PRKAR1A: variants seen among roughly 807,000 people sequenced by gnomAD.
The protein encoded by PRKAR1A is cAMP-dependent protein kinase type I-alpha regulatory subunit.
A neutral mutation model predicts 52.0 loss-of-function variants in PRKAR1A; 3 were observed. The observed-to-expected ratio is 0.06, with a 90% CI of 0.03 to 0.15. The LOEUF (loss-of-function observed/expected upper bound fraction) is 0.15. Among genes scored for constraint, PRKAR1A ranks in the 10% least tolerant of loss-of-function variants. PRKAR1A has a pLI of 1.00. For missense variants in PRKAR1A, 240 were observed against 477.4 expected, an observed-to-expected ratio of 0.50 and a Z score of 4.63; for synonymous variants, 188 against 168.4, an observed-to-expected ratio of 1.12 and a Z score of -0.90.
chr17:68,465,235 G>T, the PRKAR1A span, among the ~76,000 whole-genome samples: 75 of 151,598 alleles, frequency 4.9e-4, 1 homozygote, highest in Middle Eastern at 3.4e-3. Context: ...CCCGGCCCCG[G>T]CCGGGTTATT....
At chr17:68,446,077 T>C in the PRKAR1A span, among the ~76,000 whole-genome samples, 1 of 152,204 alleles carries the variant, frequency 6.6e-6, no homozygotes, top group African/African-American at 2.4e-5. Flanking sequence ...GCTCTGCTCC[T>C]GGGAAAAGCC....
intron 8 of PRKAR1A, 151 bp downstream of exon 8, chr17:68,528,051 TCA>T (rs2085847131): frequency 4.3e-6 from 3 of 699,692 alleles, no homozygotes; most frequent in South Asian, 1.6e-5. Context: ...CTGTGGACAT[TCA>T]CAGTTATTTC....
chr17:68,506,642 C>T, the PRKAR1A span, among the ~76,000 whole-genome samples: 7 of 152,006 alleles, frequency 4.6e-5, no homozygotes, highest in Non-Finnish European at 8.8e-5. Flanking sequence ...CACCACCACA[C>T]CCGGCTAATT....
At chr17:68,451,273 A>C in the PRKAR1A span, among the ~76,000 whole-genome samples, 1 of 152,166 alleles carries the variant, frequency 6.6e-6, no homozygotes, top group Non-Finnish European at 1.5e-5. Flanking sequence ...TCTACTAAAA[A>C]TATTTTAAAA....
At chr17:68,477,054 A>G in the PRKAR1A span, among the ~76,000 whole-genome samples, 5 of 152,186 alleles carry the variant, frequency 3.3e-5, no homozygotes, top group South Asian at 6.2e-4. Context: ...TTCATTTACA[A>G]ATTTTTAGAC....
chr17:68,460,320 G>T, the PRKAR1A span, among the ~76,000 whole-genome samples: 4 of 152,202 alleles, frequency 2.6e-5, no homozygotes, highest in Non-Finnish European at 4.4e-5. Context: ...GAAGAGGGAA[G>T]AGTCAAAGCT....
the PRKAR1A span, among the ~76,000 whole-genome samples, chr17:68,448,681 C>T: frequency 6.6e-6 from 1 of 152,174 alleles, no homozygotes; most frequent in Non-Finnish European, 1.5e-5. Context: ...CTTTACAGAT[C>T]ATTTGCCTAA....
chr17:68,469,092 G>C, the PRKAR1A span, among the ~76,000 whole-genome samples: 1 of 152,144 alleles, frequency 6.6e-6, no homozygotes, highest in African/African-American at 2.4e-5. Context: ...AGTTGAAAGA[G>C]TCCTGCTTCA....
At chr17:68,541,928 T>C in intron 11 of PRKAR1A, 12 of 1,563,932 alleles carry the variant, frequency 7.7e-6, no homozygotes, top group Non-Finnish European at 1.0e-5. Flanking sequence ...AAGTCCCTGG[T>C]ACAGGGTCTG....
At chr17:68,435,084 G>T in the PRKAR1A span, among the ~76,000 whole-genome samples, 1 of 152,044 alleles carries the variant, frequency 6.6e-6, no homozygotes, top group Non-Finnish European at 1.5e-5. Flanking sequence ...GCATGTGCCT[G>T]TAATCTCAGC....
At chr17:68,494,711 G>A in the PRKAR1A span, among the ~76,000 whole-genome samples, 17 of 151,972 alleles carry the variant, frequency 1.1e-4, no homozygotes, top group Non-Finnish European at 1.5e-4. Flanking sequence ...GTAAGTGCCC[G>A]GCAAACGGTC....
At chr17:68,533,971 C>T (rs1400368432), downstream of PRKAR1A, among the ~76,000 whole-genome samples, 1 of 152,166 alleles carries the variant, frequency 6.6e-6, no homozygotes, top group Non-Finnish European at 1.5e-5. Flanking sequence ...TCAGTTTGCC[C>T]ACCTTAGCCT....
chr17:68,532,587 G>T lies in PRKAR1A; in HGVS notation c.*2138G>T. 2 of 1,066,168 alleles carry T rather than the reference G, an allele frequency of 1.9e-6. No homozygotes were observed. Among genetic ancestry groups the T allele is most frequent in the South Asian group, 4.5e-5 (1 of 21,982 alleles). The allele number at this position is 1,066,168 out of a possible 1,614,324, so 66.0% of individuals were successfully genotyped here. On this transcript the variant is annotated 3_prime_UTR_variant, in exon 11 of 11. Transcript: ENST00000589228. The stretch of plus-strand genomic sequence containing the variant: ...AGGCTTTAAAAGTCATTATTCCTGG[G>T]CTTGGTAAGTGAATTTATGAGATTT...
the PRKAR1A span, among the ~76,000 whole-genome samples, chr17:68,500,007 C>G: frequency 1.3e-5 from 2 of 152,208 alleles, no homozygotes; most frequent in African/African-American, 4.8e-5. Context: ...ATACCCAGGA[C>G]AGGATATGGG....
the PRKAR1A span, among the ~76,000 whole-genome samples, chr17:68,445,814 G>C: frequency 7.2e-5 from 11 of 152,194 alleles, no homozygotes; most frequent in Non-Finnish European, 1.6e-4. Context: ...AGCAGCTGCC[G>C]ACCACCCCTG....
Position 68,528,854 on chromosome 17 carries a change from G to A in PRKAR1A, c.770-16G>A. On this transcript the variant is annotated splice_polypyrimidine_tract_variant and intron_variant, in intron 8 of 10. Coordinates refer to ENST00000589228, the MANE Select transcript of PRKAR1A (RefSeq NM_002734.5). ...CCAAATAATACAGAGCAGTTATTTTGATTCTTGTCTTTCAGAGTCTCTGGA... is the reference window on the plus strand; with the variant it reads ...CCAAATAATACAGAGCAGTTATTTTAATTCTTGTCTTTCAGAGTCTCTGGA... 6.2e-7 allele frequency: 1 copy of A among 1,613,404 alleles called. No individual in the cohort carries two copies. Among genetic ancestry groups the A allele is most frequent in the Non-Finnish European group, 8.5e-7 (1 of 1,179,392 alleles).
At chr17:68,449,300 C>T in the PRKAR1A span, among the ~76,000 whole-genome samples, 4 of 152,190 alleles carry the variant, frequency 2.6e-5, no homozygotes, top group East Asian at 1.9e-4. Flanking sequence ...TCTACCAGGT[C>T]GTATAATGGT....
At chr17:68,451,053 A>G in the PRKAR1A span, among the ~76,000 whole-genome samples, 1 of 152,332 alleles carries the variant, frequency 6.6e-6, no homozygotes, top group Admixed American at 6.5e-5. Context: ...ACAGTGATCC[A>G]CCATGCCCCC....
At chr17:68,463,477 T>C in the PRKAR1A span, among the ~76,000 whole-genome samples, 1 of 152,214 alleles carries the variant, frequency 6.6e-6, no homozygotes, top group Non-Finnish European at 1.5e-5. Context: ...TCTAGGGATA[T>C]GACGCTGTCC....
Sources: gnomAD v4.1 joint callset for allele counts (sites outside exome capture counted in the v4.1 genomes callset) on GRCh38, gnomAD v4.1.1 for gene constraint, MANE v1.5 for transcripts, NCBI Gene and HGNC (gene_info 2026-07-23, HGNC 2026-07-21) for gene names.